Variants in RBFOX1 observed in about 807,000 individuals in gnomAD.
The protein encoded by RBFOX1 is RNA binding protein fox-1 homolog 1.
RBFOX1 carries 8 observed loss-of-function variants against 57.7 expected under a neutral mutation model. The ratio of observed to expected loss-of-function variants is 0.14; its 90% CI spans 0.08 to 0.25. The LOEUF is 0.25. RBFOX1 is among the 10% of genes least tolerant of loss of function. RBFOX1 has a pLI of 1.00. For synonymous variants in RBFOX1, 326 were observed against 222.4 expected (o/e 1.47, Z -4.15); for missense variants, 611 against 548.5 (o/e 1.11, Z -1.14).
At position 5,750,863 on chromosome 16, in the gene RBFOX1, T is replaced by C. The variant is rs922636511; in HGVS notation, c.319-116440T>C. Among the ~76,000 whole-genome samples, 10 of 152,318 alleles carry C rather than the reference T, an allele frequency of 6.6e-5. No homozygotes were observed. In the East Asian group the frequency reaches 1.7e-3, roughly 26 times the overall value. On this transcript the variant is annotated intron_variant, in intron 3 of 19. Transcript: ENST00000641259. ...TTCGGCTCACGCATGGTGGGCTGCA[T>C]CCACTGTCCTGTCCCCACTGTCTGA...
chr16:6,620,523 GAAAAACC>G (rs1405233867), intron 2 of RBFOX1, among the ~76,000 whole-genome samples: 4 of 151,534 alleles, frequency 2.6e-5, no homozygotes, highest in Non-Finnish European at 5.9e-5. Context: ...AGATAGACAC[GAAAAACC>G]ATTCAAAAGA....
At chr16:6,508,869 CA>C (rs34095008) in intron 2 of RBFOX1, among the ~76,000 whole-genome samples, 59,532 of 144,212 alleles carry the variant, frequency 0.41, 12,111 homozygotes, top group African/African-American at 0.49. Context: ...CGAATCATAA[CA>C]AAAAAAAAAA....
chr16:6,342,171 G>A (rs1222261835), intron 2 of RBFOX1, among the ~76,000 whole-genome samples: 2 of 152,242 alleles, frequency 1.3e-5, no homozygotes, highest in East Asian at 3.9e-4. Context: ...CATTTCAAAG[G>A]ATCACTCTGC....
intron 3 of RBFOX1, among the ~76,000 whole-genome samples, chr16:6,701,079 G>C (rs1054211776): frequency 6.6e-6 from 1 of 152,054 alleles, no homozygotes; most frequent in African/African-American, 2.4e-5. Flanking sequence ...GAAAGCCTCA[G>C]CTGACCCATT....
At chr16:7,232,798 G>A (rs2093575457) in intron 4 of RBFOX1, among the ~76,000 whole-genome samples, 2 of 146,312 alleles carry the variant, frequency 1.4e-5, no homozygotes, top group East Asian at 2.0e-4. Flanking sequence ...CTGAGATCAC[G>A]CCATTGGTCA....
chr16:5,905,843 C>T (rs1352530540), intron 4 of RBFOX1, among the ~76,000 whole-genome samples: 2 of 152,208 alleles, frequency 1.3e-5, no homozygotes, highest in African/African-American at 2.4e-5. Context: ...AAGTGATACA[C>T]TCCCCAAATG....
chr16:7,114,037 T>C (rs1167158121), intron 4 of RBFOX1, among the ~76,000 whole-genome samples: 1 of 152,232 alleles, frequency 6.6e-6, no homozygotes, highest in Non-Finnish European at 1.5e-5. Context: ...CAATGAATTT[T>C]ATGAGCAAAG....
rs77518268 is a variant in RBFOX1, at chr16:7,527,677, T to C, written c.270+9288T>C. The stretch of plus-strand genomic sequence containing the variant: ...TAACTTCTCTGAGCCTGTTCTTTTT[T>C]ATATGTGAGGCTTAGAGTTGTTGTG... On this transcript the variant is annotated intron_variant, in intron 5 of 15. Coordinates refer to ENST00000550418, the MANE Select transcript of RBFOX1 (RefSeq NM_018723.4). Among the ~76,000 whole-genome samples the C allele has an allele frequency of 5.8e-4, 89 of 152,302 alleles. 1 individual carries two copies. In the East Asian group the frequency reaches 0.017, roughly 29 times the overall value.
At chr16:5,624,893 G>A (rs547411752) in intron 3 of RBFOX1, among the ~76,000 whole-genome samples, 2 of 152,280 alleles carry the variant, frequency 1.3e-5, no homozygotes, top group African/African-American at 4.8e-5. Flanking sequence ...TTGACCACTT[G>A]GAAACTGCCC....
intron 2 of RBFOX1, among the ~76,000 whole-genome samples, chr16:5,472,177 AC>A (rs2069159547): frequency 6.6e-6 from 1 of 151,592 alleles, no homozygotes; most frequent in Admixed American, 6.6e-5. Context: ...GAGCATAATA[AC>A]CTCTGTGGTT....
At chr16:7,439,771 G>A (rs1454688262) in intron 4 of RBFOX1, among the ~76,000 whole-genome samples, 4 of 151,972 alleles carry the variant, frequency 2.6e-5, no homozygotes, top group African/African-American at 9.7e-5. Flanking sequence ...AGCATCTACC[G>A]CCAAATTTAC....
intron 3 of RBFOX1, among the ~76,000 whole-genome samples, chr16:6,816,106 G>A (rs917342449): frequency 7.9e-5 from 12 of 152,086 alleles, no homozygotes; most frequent in Admixed American, 7.9e-4. Context: ...TGAGGAGTTC[G>A]AGACCAGCCT....
chr16:7,008,058 C>G (rs994551574), intron 3 of RBFOX1, among the ~76,000 whole-genome samples: 2 of 152,106 alleles, frequency 1.3e-5, no homozygotes, highest in Non-Finnish European at 2.9e-5. Flanking sequence ...CAGTTGAGAG[C>G]AAACTTGGAT....
intron 2 of RBFOX1, among the ~76,000 whole-genome samples, chr16:6,382,687 C>G (rs1464197696): frequency 6.6e-6 from 1 of 152,030 alleles, no homozygotes; most frequent in African/African-American, 2.4e-5. Context: ...TGGTGAAACC[C>G]CATCTTTACT....
chr16:7,388,426 A>T (rs557589911), intron 4 of RBFOX1, among the ~76,000 whole-genome samples: 3 of 152,182 alleles, frequency 2.0e-5, no homozygotes, highest in African/African-American at 7.2e-5. Context: ...GAAGTGTGCA[A>T]TATATGGGCT....
intron 1 of RBFOX1, among the ~76,000 whole-genome samples, chr16:5,261,934 G>A (rs1031064826): frequency 2.0e-5 from 3 of 152,116 alleles, no homozygotes; most frequent in Non-Finnish European, 4.4e-5. Flanking sequence ...TTCATGAAGA[G>A]GCCATGTGCT....
intron 2 of RBFOX1, among the ~76,000 whole-genome samples, chr16:6,428,865 T>C (rs1860564): frequency 0.42 from 63,694 of 152,132 alleles, 16,301 homozygotes; most frequent in African/African-American, 0.72. Context: ...GCTGTGATTG[T>C]TTGTTTTACT....
At chr16:7,417,157 G>T (rs1190586912) in intron 4 of RBFOX1, among the ~76,000 whole-genome samples, 2 of 151,990 alleles carry the variant, frequency 1.3e-5, no homozygotes, top group Admixed American at 1.3e-4. Flanking sequence ...ATCATCTGAG[G>T]TCAGGAGTTT....
chr16:7,187,987 T>C (rs964818859), intron 4 of RBFOX1, among the ~76,000 whole-genome samples: 2 of 152,236 alleles, frequency 1.3e-5, no homozygotes, highest in Non-Finnish European at 2.9e-5. Flanking sequence ...CGAGAATGTA[T>C]CTGACTGTGT....
Sources: gnomAD v4.1 joint callset for allele counts (sites outside exome capture counted in the v4.1 genomes callset) on GRCh38, gnomAD v4.1.1 for gene constraint, MANE v1.5 for transcripts, NCBI Gene and HGNC (gene_info 2026-07-23, HGNC 2026-07-21) for gene names.